Variants in RICTOR observed in about 807,000 individuals in gnomAD.
RICTOR encodes rapamycin-insensitive companion of mTOR.
A neutral mutation model predicts 214.9 loss-of-function variants in RICTOR; 49 were observed. The observed-to-expected ratio is 0.23, with a 90% CI of 0.18 to 0.29. The LOEUF (loss-of-function observed/expected upper bound fraction) is 0.29, where lower values mean the gene tolerates loss of function less well. RICTOR is among the 10% of genes least tolerant of loss of function. RICTOR has a pLI of 1.00. For missense variants in RICTOR, 1,625 were observed against 2,047.0 expected (o/e 0.79, Z 3.98); for synonymous variants, 717 against 711.3 (o/e 1.01, Z -0.13).
chr5:39,073,437 C>T (rs1369027949), intron 2 of RICTOR, among the ~76,000 whole-genome samples: 1 of 152,222 alleles, frequency 6.6e-6, no homozygotes, highest in South Asian at 2.1e-4. Context: ...CCCATCTCCA[C>T]TGCAGAAGGT....
At chr5:39,039,910 G>A (rs965147907) in intron 2 of RICTOR, among the ~76,000 whole-genome samples, 3 of 151,718 alleles carry the variant, frequency 2.0e-5, no homozygotes, top group East Asian at 1.9e-4. Context: ...TCAGTGTGGC[G>A]ATTCCTCAGG....
intron 2 of RICTOR, among the ~76,000 whole-genome samples, chr5:39,027,284 A>G (rs1755900991): frequency 6.6e-6 from 1 of 152,178 alleles, no homozygotes; most frequent in South Asian, 2.1e-4. Flanking sequence ...ATATTTTCAG[A>G]GAAGTTAATT....
At position 38,953,443 on chromosome 5, in the gene RICTOR, G is replaced by C; in HGVS notation, c.2790+18C>G. ...ATCTAAAAATTGCGAAGATCTTACA[G>C]AAGTGTTTATTACAAACCAAGGCCC... is the stretch of plus-strand genomic sequence containing the variant. On this transcript the variant is annotated intron_variant, in intron 28 of 37. Transcript: ENST00000357387. The C allele has an allele frequency of 8.9e-7, 1 of 1,122,048 alleles. No homozygotes were observed. The highest frequency in any genetic ancestry group is 1.3e-6 in the Non-Finnish European group (1 of 794,942). 69.5% of individuals were successfully genotyped at this position (1,122,048 alleles called of 1,614,324 possible).
intron 11 of RICTOR, among the ~76,000 whole-genome samples, chr5:38,968,434 C>T (rs1750417991): frequency 6.6e-6 from 1 of 151,366 alleles, no homozygotes; most frequent in South Asian, 2.1e-4. Flanking sequence ...TATACTATAC[C>T]TTTTACCATT....
chr5:39,069,400 G>A (rs1759146478), intron 2 of RICTOR, among the ~76,000 whole-genome samples: 1 of 152,174 alleles, frequency 6.6e-6, no homozygotes, highest in Admixed American at 6.5e-5. Context: ...AACTGTAAGG[G>A]AGAAATGAAG....
chr5:38,982,509 GT>G (rs1444232092), intron 7 of RICTOR, among the ~76,000 whole-genome samples: 1 of 152,066 alleles, frequency 6.6e-6, no homozygotes, highest in Non-Finnish European at 1.5e-5. Context: ...ACGTGCATGT[GT>G]ACATATGTGT....
At chr5:38,942,425 G>T (rs2112779120) in intron 37 of RICTOR, 47 bp from the exon 38 acceptor site, 4 of 1,057,482 alleles carry the variant, frequency 3.8e-6, no homozygotes, top group Non-Finnish European at 4.2e-6. Flanking sequence ...AAAAACAGAT[G>T]ATATAACATA....
chr5:38,968,755 G>T (rs1218482913), intron 11 of RICTOR, among the ~76,000 whole-genome samples: 3 of 148,326 alleles, frequency 2.0e-5, no homozygotes, highest in Non-Finnish European at 4.5e-5. Flanking sequence ...AAAAAAAAAA[G>T]TTAACTGTAA....
chr5:38,945,275 A>G lies in RICTOR; in HGVS notation c.4634-207T>C, dbSNP rs1579861882. The G allele has an allele frequency of 8.2e-6, 5 of 609,684 alleles. No individual in the cohort carries two copies. The East Asian group carries it at 1.4e-4, about 17-fold the overall frequency. The allele number at this position is 609,684 out of a possible 1,614,324, so 37.8% of individuals were successfully genotyped here. The stretch of plus-strand genomic sequence containing the variant: ...TGGACAGGGCTGTTCACAGTGGAAA[A>G]GACCTAATCCAGGGATCTGTCAGAC... On this transcript the variant is annotated intron_variant, in intron 34 of 37. Transcript: ENST00000357387.
At chr5:39,035,037 CT>C (rs1467019959) in intron 2 of RICTOR, among the ~76,000 whole-genome samples, 1 of 152,248 alleles carries the variant, frequency 6.6e-6, no homozygotes, top group Non-Finnish European at 1.5e-5. Context: ...TCCCTGACCC[CT>C]GACCCCTGAG....
chr5:39,001,873 G>A (rs1274703761), intron 5 of RICTOR, among the ~76,000 whole-genome samples: 2 of 152,058 alleles, frequency 1.3e-5, no homozygotes. Context: ...GACACGGGGA[G>A]ACTGAAACTC....
intron 3 of RICTOR, among the ~76,000 whole-genome samples, chr5:39,015,622 A>T (rs1423397944): frequency 1.3e-5 from 2 of 151,990 alleles, no homozygotes; most frequent in East Asian, 3.9e-4. Flanking sequence ...CAAAACAAAT[A>T]ATCATCTGGC....
intron 2 of RICTOR, among the ~76,000 whole-genome samples, chr5:39,055,042 A>C (rs1172047324): frequency 6.6e-6 from 1 of 152,178 alleles, no homozygotes; most frequent in African/African-American, 2.4e-5. Context: ...TTATTAATTC[A>C]GTTAACATTA....
chr5:38,984,355 T>TA (rs1404952638), intron 7 of RICTOR, among the ~76,000 whole-genome samples: 18 of 152,230 alleles, frequency 1.2e-4, no homozygotes. Flanking sequence ...GTTCAATAAT[T>TA]AAGACTTTTA....
chr5:38,987,481 T>C (rs184004902), intron 7 of RICTOR, among the ~76,000 whole-genome samples: 1 of 152,198 alleles, frequency 6.6e-6, no homozygotes, highest in Non-Finnish European at 1.5e-5. Flanking sequence ...TATTCGAGAT[T>C]TTCTAGTTTA....
At chr5:38,997,666 A>ATGTTTTTTTTTTTTAT (rs1753276788) in intron 5 of RICTOR, among the ~76,000 whole-genome samples, 1 of 152,082 alleles carries the variant, frequency 6.6e-6, no homozygotes, top group Admixed American at 6.6e-5. Flanking sequence ...AAAAAAAAAT[A>ATGTTTTTTTTTTTTAT]CTTTACAGTA....
chr5:39,024,120 A>T (rs1367589127), intron 2 of RICTOR, among the ~76,000 whole-genome samples: 1 of 152,096 alleles, frequency 6.6e-6, no homozygotes, highest in Non-Finnish European at 1.5e-5. Context: ...GCAGTTCACA[A>T]TAGGGTTTGT....
chr5:38,989,174 A>C (rs1339136947), intron 7 of RICTOR, among the ~76,000 whole-genome samples: 1 of 152,222 alleles, frequency 6.6e-6, no homozygotes, highest in Non-Finnish European at 1.5e-5. Flanking sequence ...TACATAGGCC[A>C]ATAGAACAGA....
intron 2 of RICTOR, among the ~76,000 whole-genome samples, chr5:39,062,237 C>G (rs1380495978): frequency 6.6e-6 from 1 of 151,982 alleles, no homozygotes; most frequent in Admixed American, 6.6e-5. Flanking sequence ...TGATTAAAAA[C>G]TTATAACACA....
Sources: gnomAD v4.1 joint callset for allele counts (sites outside exome capture counted in the v4.1 genomes callset) on GRCh38, gnomAD v4.1.1 for gene constraint, MANE v1.5 for transcripts, NCBI Gene and HGNC (gene_info 2026-07-23, HGNC 2026-07-21) for gene names.